The following MICU1 variants were observed in gnomAD, a reference collection of about 807,000 sequenced individuals.
MICU1 encodes calcium uptake protein 1, mitochondrial.
MICU1 carries 45 observed loss-of-function variants against 56.8 expected under a neutral mutation model. The observed-to-expected ratio is 0.79, with a 90% CI of 0.62 to 1.02. The LOEUF is 1.02. Ranked by LOEUF, MICU1 falls within the 50% of genes least tolerant of loss-of-function variation. The pLI is 0.00. For synonymous variants in MICU1, 186 were observed against 195.1 expected (o/e 0.95, Z 0.39); for missense variants, 504 against 587.1 (o/e 0.86, Z 1.46).
intron 5 of MICU1, chr10:72,531,361 T>G (rs1839477558): frequency 6.6e-6 from 1 of 152,194 alleles, no homozygotes; most frequent in Non-Finnish European, 1.5e-5. Flanking sequence ...TGTCTTAGAA[T>G]TCATATATTC....
intron 10 of MICU1, among the ~76,000 whole-genome samples, chr10:72,402,691 T>A (rs987457111): frequency 2.6e-5 from 4 of 152,132 alleles, no homozygotes; most frequent in Admixed American, 1.3e-4. Flanking sequence ...AAACACATTT[T>A]TAGATAACCC....
intron 4 of MICU1, among the ~76,000 whole-genome samples, chr10:72,544,299 G>A (rs1004008825): frequency 2.0e-5 from 3 of 152,112 alleles, no homozygotes; most frequent in Non-Finnish European, 4.4e-5. Context: ...CGAAGCTCCC[G>A]GCCGAATAAA....
At chr10:72,381,164 CAA>C (rs966765880) in intron 10 of MICU1, among the ~76,000 whole-genome samples, 1 of 152,178 alleles carries the variant, frequency 6.6e-6, no homozygotes, top group African/African-American at 2.4e-5. Context: ...CTTCCTAATG[CAA>C]AAGTGTTTGG....
intron 1 of MICU1, among the ~76,000 whole-genome samples, chr10:72,618,289 A>G (rs1842028517): frequency 6.6e-6 from 1 of 151,972 alleles, no homozygotes; most frequent in Non-Finnish European, 1.5e-5. Flanking sequence ...TTTTGAAATG[A>G]GGTCTCACTA....
At chr10:72,425,421 C>A (rs894637537) in intron 8 of MICU1, among the ~76,000 whole-genome samples, 6 of 152,338 alleles carry the variant, frequency 3.9e-5, no homozygotes, top group South Asian at 4.1e-4. Flanking sequence ...CATAGGGGCA[C>A]AAGGCCTCGC....
chr10:72,375,908 G>C (rs767807853), intron 10 of MICU1, 36 bp from the exon 11 acceptor site: 1 of 1,581,090 alleles, frequency 6.3e-7, no homozygotes, highest in South Asian at 1.1e-5. Context: ...CACAGCAGAG[G>C]GATTTTCATT....
At position 72,500,317 on chromosome 10, in the gene MICU1, T is replaced by A. The variant is rs1332251908; in HGVS notation, c.652+7838A>T. ...ATATATATATATTTTTTTTTTTTTT[T>A]TTTTTTTTTTTTTTTTGAGACAGTC... On this transcript the variant is annotated intron_variant, in intron 6 of 11. Transcript: ENST00000361114. Among the ~76,000 whole-genome samples the A allele has an allele frequency of 3.2e-3, 301 of 93,232 alleles. 5 individuals are homozygous for A. Among genetic ancestry groups the A allele is most frequent in the African/African-American group, 0.013 (293 of 23,058 alleles). 61.2% of individuals were successfully genotyped at this position (93,232 alleles called of 152,430 possible). A position where few individuals can be genotyped will look rare whatever the true frequency, so the allele number is the denominator to read the frequency against.
chr10:72,574,137 G>A (rs189621557), intron 1 of MICU1, among the ~76,000 whole-genome samples: 12 of 152,086 alleles, frequency 7.9e-5, no homozygotes, highest in Admixed American at 5.2e-4. Flanking sequence ...ACTATTACCC[G>A]ACACTGTTGT....
intron 8 of MICU1, among the ~76,000 whole-genome samples, chr10:72,448,154 T>C (rs1865170610): frequency 8.5e-6 from 1 of 116,996 alleles, no homozygotes; most frequent in Admixed American, 8.8e-5. Context: ...TGTGTGTCTG[T>C]GTGTGTGTAT....
chr10:72,453,425 C>T (rs1201352219), intron 8 of MICU1, among the ~76,000 whole-genome samples: 2 of 152,136 alleles, frequency 1.3e-5, no homozygotes, highest in Non-Finnish European at 1.5e-5. Context: ...AAAAGACTCA[C>T]GGGCTCTTTG....
intron 6 of MICU1, among the ~76,000 whole-genome samples, chr10:72,504,826 T>C (rs1236644590): frequency 1.3e-5 from 2 of 151,986 alleles, no homozygotes; most frequent in African/African-American, 4.8e-5. Flanking sequence ...AGGACATGGA[T>C]AGATCCTTCT....
At chr10:72,569,840 C>A (rs1001950726) in intron 1 of MICU1, among the ~76,000 whole-genome samples, 3 of 152,164 alleles carry the variant, frequency 2.0e-5, no homozygotes, top group Non-Finnish European at 4.4e-5. Context: ...GAAGAAGAGG[C>A]ATTTCTTTAC....
At chr10:72,427,305 C>T (rs548359069) in intron 8 of MICU1, among the ~76,000 whole-genome samples, 4 of 152,252 alleles carry the variant, frequency 2.6e-5, no homozygotes, top group African/African-American at 9.6e-5. Flanking sequence ...TGTTCCCATC[C>T]GTCCCTTGTC....
intron 1 of MICU1, among the ~76,000 whole-genome samples, chr10:72,579,126 C>T (rs1840831272): frequency 6.6e-6 from 1 of 152,130 alleles, no homozygotes; most frequent in Non-Finnish European, 1.5e-5. Context: ...TAGTAAACAT[C>T]TTTCCTGAAA....
At chr10:72,409,371 T>C (rs1291340082) in intron 9 of MICU1, among the ~76,000 whole-genome samples, 1 of 152,222 alleles carries the variant, frequency 6.6e-6, no homozygotes, top group East Asian at 1.9e-4. Context: ...GTCAATTGTA[T>C]GTTTCTCACC....
intron 8 of MICU1, among the ~76,000 whole-genome samples, chr10:72,461,648 G>A (rs1865641419): frequency 6.6e-6 from 1 of 152,120 alleles, no homozygotes; most frequent in Non-Finnish European, 1.5e-5. Context: ...TAAATTATTA[G>A]TAGTTAAGAA....
chr10:72,453,822 C>T lies in MICU1; in HGVS notation c.933+21278G>A, dbSNP rs575621596. On this transcript the variant is annotated intron_variant, in intron 8 of 11. Transcript: ENST00000361114. ...CTGGGATTACAGGCGTGAGCCACCG[C>T]GCCTGGCCTACTTTATTTTTATTCT... 4.0e-5 allele frequency among the ~76,000 whole-genome samples: 6 copies of T among 151,236 alleles called. No homozygotes were observed. The East Asian group carries it at 9.9e-4, about 25-fold the overall frequency.
chr10:72,612,122 A>C (rs1486791373), intron 1 of MICU1, among the ~76,000 whole-genome samples: 1 of 152,138 alleles, frequency 6.6e-6, no homozygotes. Flanking sequence ...CGCTACGGAA[A>C]GAAATCTGTG....
At chr10:72,400,133 T>C (rs1032329472) in intron 10 of MICU1, among the ~76,000 whole-genome samples, 7 of 152,186 alleles carry the variant, frequency 4.6e-5, no homozygotes, top group Non-Finnish European at 7.3e-5. Context: ...ATGTCAGATA[T>C]AGCTGTGCAA....
Sources: gnomAD v4.1 joint callset for allele counts (sites outside exome capture counted in the v4.1 genomes callset) on GRCh38, gnomAD v4.1.1 for gene constraint, MANE v1.5 for transcripts, NCBI Gene and HGNC (gene_info 2026-07-23, HGNC 2026-07-21) for gene names.